CHN2: variants seen among roughly 807,000 people sequenced by gnomAD.
CHN2 encodes beta-chimaerin.
Under a neutral mutation model 56.3 loss-of-function variants are expected in CHN2, and 35 were observed. The observed-to-expected ratio is 0.62, with a 90% CI of 0.47 to 0.82. The LOEUF (loss-of-function observed/expected upper bound fraction) is 0.82. Ranked by LOEUF, CHN2 falls within the 40% of genes least tolerant of loss-of-function variation. The pLI, the probability that CHN2 is intolerant of heterozygous loss-of-function variation, is 0.00. For missense variants in CHN2, 491 were observed against 580.5 expected (o/e 0.85, Z 1.58); for synonymous variants, 210 against 212.8 (o/e 0.99, Z 0.12).
intron 1 of CHN2, among the ~76,000 whole-genome samples, chr7:29,345,130 G>A (rs1046728970): frequency 6.6e-6 from 1 of 152,164 alleles, no homozygotes; most frequent in African/African-American, 2.4e-5. Flanking sequence ...CTGTCCCTCA[G>A]AGGAAACATC....
intron 1 of CHN2, among the ~76,000 whole-genome samples, chr7:29,312,892 T>G (rs1794696311): frequency 6.6e-6 from 1 of 152,060 alleles, no homozygotes; most frequent in Non-Finnish European, 1.5e-5. Context: ...TCTTCATTTT[T>G]GCCTCCCCAC....
chr7:29,368,488 C>T (rs765131302), intron 3 of CHN2, among the ~76,000 whole-genome samples: 1 of 152,156 alleles, frequency 6.6e-6, no homozygotes, highest in Non-Finnish European at 1.5e-5. Flanking sequence ...AATCAGTTCT[C>T]TGATTGTGTG....
At position 29,423,106 on chromosome 7, in the gene CHN2, A is replaced by C. The variant is rs948250768; in HGVS notation, c.576+22278A>C. 3.9e-5 allele frequency among the ~76,000 whole-genome samples: 6 copies of C among 152,222 alleles called. 1 individual carries two copies. Among genetic ancestry groups the C allele is most frequent in the Non-Finnish European group, 5.9e-5 (4 of 68,042 alleles). ...TAGAAAAGATTTCAACTGAATTAGG[A>C]ACACCAAGGAAATGCTTTCAATTCC... On this transcript the variant is annotated intron_variant, in intron 6 of 12. Coordinates refer to ENST00000222792, the MANE Select transcript of CHN2 (RefSeq NM_004067.4).
chr7:29,442,128 C>CA (rs1783692382), intron 6 of CHN2, among the ~76,000 whole-genome samples: 1 of 152,174 alleles, frequency 6.6e-6, no homozygotes, highest in East Asian at 1.9e-4. Context: ...ATACGTGCTA[C>CA]AACATGCATG....
At position 29,171,162 on chromosome 7, in the gene CHN2, G is replaced by A. The variant is rs117389475; in HGVS notation, c.274+24202G>A. ...TTCCCCCCAGTTCTGACTCTTGCCTGCAGAGCCCTAACATTGCTTACATAC... is the reference window on the plus strand; with the variant it reads ...TTCCCCCCAGTTCTGACTCTTGCCTACAGAGCCCTAACATTGCTTACATAC... On this transcript the variant is annotated intron_variant, in intron 2 of 6. Coordinates refer to the CHN2 transcript ENST00000439384. Among the ~76,000 whole-genome samples the A allele has an allele frequency of 8.3e-3, 1,271 of 152,252 alleles. 7 individuals are homozygous for A. The highest frequency in any genetic ancestry group is 0.014 in the Non-Finnish European group (945 of 68,024).
At chr7:29,374,304 A>G (rs1186759169) in intron 3 of CHN2, among the ~76,000 whole-genome samples, 1 of 152,166 alleles carries the variant, frequency 6.6e-6, no homozygotes, top group Admixed American at 6.5e-5. Flanking sequence ...GATGTAGTAC[A>G]GGGGAAAAAT....
At chr7:29,458,697 T>C (rs1479993564) in intron 6 of CHN2, among the ~76,000 whole-genome samples, 5 of 152,168 alleles carry the variant, frequency 3.3e-5, no homozygotes. Context: ...CAAGTGTGTA[T>C]GTAATAAGCA....
At chr7:29,355,264 C>T (rs1055794872) in intron 2 of CHN2, among the ~76,000 whole-genome samples, 2 of 152,188 alleles carry the variant, frequency 1.3e-5, no homozygotes, top group Non-Finnish European at 2.9e-5. Context: ...AGCCACCGCG[C>T]CCAGCCACTT....
At chr7:29,276,798 G>T (rs1326022094) in intron 1 of CHN2, among the ~76,000 whole-genome samples, 1 of 152,208 alleles carries the variant, frequency 6.6e-6, no homozygotes, top group Non-Finnish European at 1.5e-5. Context: ...TATGATGCCA[G>T]TTTGAGGTGC....
intron 3 of CHN2, chr7:29,376,472 G>C (rs1211470665): frequency 6.6e-6 from 1 of 152,202 alleles, no homozygotes; most frequent in Non-Finnish European, 1.5e-5. Flanking sequence ...GAGAAATGCA[G>C]GTTCTGTGGC....
chr7:29,179,578 A>G (rs903514472), intron 2 of CHN2, among the ~76,000 whole-genome samples: 4 of 152,230 alleles, frequency 2.6e-5, no homozygotes, highest in African/African-American at 9.7e-5. Context: ...GGCAGATGTT[A>G]GTAACACAAA....
intron 1 of CHN2, among the ~76,000 whole-genome samples, chr7:29,333,630 C>T (rs991274369): frequency 6.6e-6 from 1 of 152,218 alleles, no homozygotes; most frequent in East Asian, 1.9e-4. Context: ...CAGAATGCTG[C>T]TCTAAATTCA....
intron 1 of CHN2, among the ~76,000 whole-genome samples, chr7:29,242,557 A>G (rs536576825): frequency 6.6e-6 from 1 of 151,878 alleles, no homozygotes; most frequent in East Asian, 1.9e-4. Context: ...TTCTTTCTAG[A>G]ACTGGGTTCA....
At chr7:29,403,291 T>G (rs2285846) in intron 6 of CHN2, among the ~76,000 whole-genome samples, 1 of 146,520 alleles carries the variant, frequency 6.8e-6, no homozygotes, top group Non-Finnish European at 1.5e-5. Flanking sequence ...AAAGAGGGAC[T>G]GGAAACGTGA....
chr7:29,314,648 A>G (rs2128889438), intron 1 of CHN2, among the ~76,000 whole-genome samples: 1 of 152,302 alleles, frequency 6.6e-6, no homozygotes, highest in South Asian at 2.1e-4. Context: ...AATTCACTGA[A>G]AATTCCAAGA....
At chr7:29,148,451 T>C (rs1328164340) in intron 2 of CHN2, 12 of 152,258 alleles carry the variant, frequency 7.9e-5, no homozygotes, top group Non-Finnish European at 8.8e-5. Flanking sequence ...TTAACACTAT[T>C]TATCTCTGTG....
chr7:29,396,932 C>T (rs1481316884), intron 4 of CHN2: 1 of 152,550 alleles, frequency 6.6e-6, no homozygotes, highest in Non-Finnish European at 1.5e-5. Context: ...CCAATCCACA[C>T]CTGCTATGCA....
chr7:29,223,280 C>G (rs1370319028), intron 1 of CHN2, among the ~76,000 whole-genome samples: 1 of 152,122 alleles, frequency 6.6e-6, no homozygotes, highest in Non-Finnish European at 1.5e-5. Context: ...GGTTCAAACC[C>G]TATATGATCA....
chr7:29,457,300 C>G (rs186515190), intron 6 of CHN2, among the ~76,000 whole-genome samples: 36 of 152,264 alleles, frequency 2.4e-4, no homozygotes, highest in Admixed American at 7.2e-4. Flanking sequence ...ATTCTCTGCA[C>G]AGAGAGTCAC....
Sources: allele counts gnomAD v4.1 joint callset (sites outside exome capture counted in the v4.1 genomes callset), GRCh38; gene constraint gnomAD v4.1.1; transcripts MANE v1.5; gene names NCBI Gene and HGNC (gene_info 2026-07-23, HGNC 2026-07-21).